Variants in ATP13A4 observed in about 807,000 individuals in gnomAD.
ATP13A4 encodes the protein ATPase 13A4.
A neutral mutation model predicts 142.5 loss-of-function variants in ATP13A4; 114 were observed. That is an observed-to-expected ratio of 0.80 (90% CI 0.69 to 0.93). The LOEUF (loss-of-function observed/expected upper bound fraction) is 0.93. Ranked by LOEUF, ATP13A4 falls within the 40% of genes least tolerant of loss-of-function variation. ATP13A4 has a pLI of 0.00. For missense variants in ATP13A4, 1,392 were observed against 1,454.0 expected (o/e 0.96, Z 0.69); for synonymous variants, 488 against 514.8 (o/e 0.95, Z 0.70).
chr3:193,545,589 A>C (rs1312313476), intron 1 of ATP13A4, among the ~76,000 whole-genome samples: 1 of 152,160 alleles, frequency 6.6e-6, no homozygotes, highest in African/African-American at 2.4e-5. Flanking sequence ...CCAATTTGTC[A>C]AGTCAACCTA....
Position 193,455,265 on chromosome 3 carries a change from C to T in ATP13A4, c.1916-1053G>A, listed in dbSNP as rs1409637981. Among the ~76,000 whole-genome samples, 40 of 148,934 alleles carry T rather than the reference C, an allele frequency of 2.7e-4. 1 individual carries two copies. Among genetic ancestry groups the T allele is most frequent in the Middle Eastern group, 3.5e-3 (1 of 286 alleles). On this transcript the variant is annotated intron_variant, in intron 16 of 29. Coordinates refer to ENST00000342695, the MANE Select transcript of ATP13A4 (RefSeq NM_032279.4). ...CTGAGGCAGGAGAATGGCGTGAACC[C>T]GGGAGGCGGAGCTTGCAGTGAGCCG...
At position 193,402,375 on chromosome 3, in the gene ATP13A4, C is replaced by T. The variant is rs535623641; in HGVS notation, c.*277G>A. 2.3e-6 allele frequency: 1 copy of T among 429,578 alleles called. No individual in the cohort carries two copies. The highest frequency in any genetic ancestry group is 2.3e-5 in the South Asian group (1 of 42,770). 26.6% of individuals were successfully genotyped at this position (429,578 alleles called of 1,614,324 possible). On this transcript the variant is annotated 3_prime_UTR_variant, in exon 30 of 30. Coordinates refer to ENST00000342695, the MANE Select transcript of ATP13A4 (RefSeq NM_032279.4). ...AAGATCACATATTTTTCCCCTTTAGCCTGCTTGTCTCTTGGCCCATAGAAA... is the reference window on the plus strand; with the variant it reads ...AAGATCACATATTTTTCCCCTTTAGTCTGCTTGTCTCTTGGCCCATAGAAA...
chr3:193,536,251 A>G (rs1722586786), intron 1 of ATP13A4, among the ~76,000 whole-genome samples: 1 of 152,108 alleles, frequency 6.6e-6, no homozygotes, highest in African/African-American at 2.4e-5. Context: ...AATGCTTAGC[A>G]AATATAATTC....
intron 10 of ATP13A4, among the ~76,000 whole-genome samples, chr3:193,466,872 A>G (rs1410034194): frequency 1.3e-5 from 2 of 152,226 alleles, no homozygotes; most frequent in Non-Finnish European, 2.9e-5. Context: ...TATTTAAAAT[A>G]TATGGATTTA....
chr3:193,418,295 G>C (rs1715215525), intron 25 of ATP13A4, among the ~76,000 whole-genome samples: 1 of 146,602 alleles, frequency 6.8e-6, no homozygotes, highest in Non-Finnish European at 1.5e-5. Flanking sequence ...CTCCAGCCTG[G>C]GCAACAGCGA....
chr3:193,402,951 G>A, intron 29 of ATP13A4, 87 bp from the exon 30 acceptor site: 7 of 1,173,594 alleles, frequency 6.0e-6, no homozygotes, highest in Non-Finnish European at 8.6e-6. Context: ...AGTCACTACT[G>A]CAATGGTTGC....
chr3:193,489,717 T>C lies in ATP13A4; in HGVS notation c.738+13A>G, dbSNP rs1304474991. Reference sequence around the variant, plus strand: ...TCCCTTTATGAAACCATAGAATTAATAGAAAAACTCACCTCTCTGAGATCA... The same window carrying C: ...TCCCTTTATGAAACCATAGAATTAACAGAAAAACTCACCTCTCTGAGATCA... On this transcript the variant is annotated intron_variant, in intron 7 of 29. Transcript: ENST00000342695. 1.9e-6 allele frequency: 3 copies of C among 1,602,674 alleles called. No individual in the cohort carries two copies. The highest frequency in any genetic ancestry group is 2.7e-5 in the African/African-American group (2 of 74,620).
chr3:193,402,686 T>C lies in ATP13A4; in HGVS notation c.3557A>G (p.Asn1186Ser). ...PECGRGVSYSNPVFESNEEQL is the reference protein window; with the variant it reads ...PECGRGVSYSSPVFESNEEQL Reference sequence around the variant, plus strand: ...TTCTTCATTGCTCTCAAATACTGGATTGCTGTAAGACACTCCTCTGCCACA... The same window carrying C: ...TTCTTCATTGCTCTCAAATACTGGACTGCTGTAAGACACTCCTCTGCCACA... Residue 1186 changes from asparagine (N) to serine (S), a missense_variant, in exon 30 of 30, where the codon AAT becomes AGT. Physicochemically the swap from Asn to Ser is conservative, Grantham distance 46. Transcript: ENST00000342695. The C allele has an allele frequency of 1.8e-6, 2 of 1,142,108 alleles. No homozygotes were observed. The highest frequency in any genetic ancestry group is 2.7e-6 in the Non-Finnish European group (2 of 748,934). 70.7% of individuals were successfully genotyped at this position (1,142,108 alleles called of 1,614,324 possible). A position where few individuals can be genotyped will look rare whatever the true frequency, so the allele number is the denominator to read the frequency against.
At chr3:193,560,919 G>A (rs1361792683) in intron 2 of ATP13A4, among the ~76,000 whole-genome samples, 1 of 152,192 alleles carries the variant, frequency 6.6e-6, no homozygotes, top group Non-Finnish European at 1.5e-5. Context: ...TCCAGCCATG[G>A]GGCAGGTGAT....
At chr3:193,528,403 G>C (rs898007109) in intron 1 of ATP13A4, among the ~76,000 whole-genome samples, 2 of 152,218 alleles carry the variant, frequency 1.3e-5, no homozygotes, top group Non-Finnish European at 2.9e-5. Flanking sequence ...AAGCCATGAT[G>C]CATGGCTCAG....
intron 22 of ATP13A4, 36 bp downstream of exon 22, chr3:193,438,987 G>C (rs372315764): frequency 8.9e-6 from 14 of 1,573,404 alleles, no homozygotes; most frequent in Non-Finnish European, 1.2e-5. Context: ...GTAATCGAAT[G>C]TGAGATTATG....
chr3:193,420,627 T>C (rs1017652490), intron 25 of ATP13A4, among the ~76,000 whole-genome samples: 6 of 149,724 alleles, frequency 4.0e-5, no homozygotes, highest in African/African-American at 1.5e-4. Context: ...AAGAGTTTCC[T>C]AATTCAGCAA....
Position 193,399,866 on chromosome 3 carries a change from A to AAAAAC in ATP13A4, c.*2785_*2786insGTTTT, listed in dbSNP as rs1560163720. ...ATCTCAAAAAAAAAAAAAAAAAAAA[A>AAAAAC]AGGTTCACATCACAGCATAAGACTG... On this transcript the variant is annotated 3_prime_UTR_variant, in exon 30 of 30. Coordinates refer to ENST00000342695, the MANE Select transcript of ATP13A4 (RefSeq NM_032279.4). Among the ~76,000 whole-genome samples, 3 of 149,780 alleles carry AAAAAC rather than the reference A, an allele frequency of 2.0e-5. No homozygotes were observed. Among genetic ancestry groups the AAAAAC allele is most frequent in the African/African-American group, 2.5e-5 (1 of 40,558 alleles).
intron 1 of ATP13A4, among the ~76,000 whole-genome samples, chr3:193,527,825 A>G (rs1722097004): frequency 6.6e-6 from 1 of 152,070 alleles, no homozygotes; most frequent in African/African-American, 2.4e-5. Flanking sequence ...GGACTAATAC[A>G]CCCTGTCTGG....
chr3:193,502,199 C>G (rs1720586963), intron 3 of ATP13A4, among the ~76,000 whole-genome samples: 1 of 152,148 alleles, frequency 6.6e-6, no homozygotes, highest in Non-Finnish European at 1.5e-5. Flanking sequence ...ATACCTGGAA[C>G]TACTTTAATC....
intron 21 of ATP13A4, 55 bp from the exon 22 acceptor site, chr3:193,439,120 T>C: frequency 1.3e-6 from 2 of 1,513,940 alleles, no homozygotes; most frequent in Non-Finnish European, 1.8e-6. Context: ...TGCTAATTTC[T>C]CTAATTAAAA....
At chr3:193,487,274 T>G (rs1719686864) in intron 7 of ATP13A4, among the ~76,000 whole-genome samples, 1 of 151,924 alleles carries the variant, frequency 6.6e-6, no homozygotes, top group African/African-American at 2.4e-5. Flanking sequence ...GACCATAACA[T>G]TAGTAAGCAA....
chr3:193,419,548 C>T (rs1032551319), intron 25 of ATP13A4, among the ~76,000 whole-genome samples: 1 of 107,210 alleles, frequency 9.3e-6, no homozygotes, highest in Non-Finnish European at 2.3e-5. Flanking sequence ...GCAGTCATAC[C>T]TCACTTCCCC....
chr3:193,528,630 G>A (rs74667965), intron 1 of ATP13A4, among the ~76,000 whole-genome samples: 4,076 of 152,244 alleles, frequency 0.027, 84 homozygotes, highest in Non-Finnish European at 0.041. Context: ...AGGGAAATTC[G>A]AGACATTAAA....
Sources: allele counts gnomAD v4.1 joint callset (sites outside exome capture counted in the v4.1 genomes callset), GRCh38; gene constraint gnomAD v4.1.1; transcripts MANE v1.5; gene names NCBI Gene and HGNC (gene_info 2026-07-23, HGNC 2026-07-21).